PYROXD2: variants seen among roughly 807,000 people sequenced by gnomAD.
PYROXD2 encodes pyridine nucleotide-disulfide oxidoreductase domain-containing protein 2.
A neutral mutation model predicts 71.1 loss-of-function variants in PYROXD2; 69 were observed. The observed-to-expected ratio is 0.97, with a 90% CI of 0.80 to 1.19. PYROXD2 has a LOEUF of 1.19. Among genes scored for constraint, PYROXD2 ranks in the 50% most tolerant of loss-of-function variants. The pLI, the probability that PYROXD2 is intolerant of heterozygous loss-of-function variation, is 0.00. For synonymous variants in PYROXD2, 287 were observed against 302.7 expected (o/e 0.95, Z 0.54); for missense variants, 745 against 748.9 (o/e 0.99, Z 0.06).
At chr10:98,385,931 T>C (rs1412441617) in intron 14 of PYROXD2, among the ~76,000 whole-genome samples, 1 of 152,180 alleles carries the variant, frequency 6.6e-6, no homozygotes. Context: ...TCAGTGAACA[T>C]GTAATGGGAG....
At chr10:98,393,319 C>A (rs1049972562) in intron 8 of PYROXD2, among the ~76,000 whole-genome samples, 5 of 152,188 alleles carry the variant, frequency 3.3e-5, no homozygotes, top group South Asian at 2.1e-4. Context: ...GGCAACGATG[C>A]CCAAACCTGC....
intron 12 of PYROXD2, among the ~76,000 whole-genome samples, chr10:98,388,943 C>T (rs374975402): frequency 3.4e-4 from 52 of 152,240 alleles, no homozygotes; most frequent in South Asian, 4.2e-4. Context: ...AGGGCTGCCC[C>T]GAGCCCCAGC....
chr10:98,389,597 C>T (rs145043202), intron 12 of PYROXD2, among the ~76,000 whole-genome samples: 130 of 152,342 alleles, frequency 8.5e-4, no homozygotes, highest in African/African-American at 3.1e-3. Flanking sequence ...TATACAGCAG[C>T]ACACTCCTGC....
At chr10:98,405,172 C>T (rs1843554711) in intron 4 of PYROXD2, among the ~76,000 whole-genome samples, 2 of 152,216 alleles carry the variant, frequency 1.3e-5, no homozygotes, top group African/African-American at 4.8e-5. Context: ...CGCAGGGCCG[C>T]TGCAAAAGCA....
At position 98,410,957 on chromosome 10, in the gene PYROXD2, T is replaced by A. The variant is rs1211512347; in HGVS notation, c.129A>T (p.Gly43=). The change falls in exon 2 of 16, where the codon GGA becomes GGT. Residue 43 remains glycine (G), a splice_region_variant and synonymous_variant. Transcript: ENST00000370575. ...PEYDAVVIGA[G]HNGLVAAAYL... ...TACTCACAGCCACCAGTCCGTTGTG[T>A]CCTGCAACAAAACGGGACAGGGAAG... 2 of 1,563,650 alleles carry A rather than the reference T, an allele frequency of 1.3e-6. No individual in the cohort carries two copies. The highest frequency in any genetic ancestry group is 1.7e-6 in the Non-Finnish European group (2 of 1,153,194).
chr10:98,389,762 G>A (rs1842885354), intron 12 of PYROXD2, among the ~76,000 whole-genome samples: 1 of 152,140 alleles, frequency 6.6e-6, no homozygotes, highest in Admixed American at 6.5e-5. Context: ...TCTCCACAGT[G>A]CTCATCATCA....
In PYROXD2 at chr10:98,387,313, G is replaced by C. The variant is rs1330078296; in HGVS notation, c.1448-6C>G. The C allele has an allele frequency of 6.2e-7, 1 of 1,608,334 alleles. No individual in the cohort carries two copies. The highest frequency in any genetic ancestry group is 1.7e-5 in the Admixed American group (1 of 59,954). Reference sequence around the variant, plus strand: ...GACCTCGATGCAATCAAACACTGGGGTGCCAAAAACAGAGAAATGAGATGG... The same window carrying C: ...GACCTCGATGCAATCAAACACTGGGCTGCCAAAAACAGAGAAATGAGATGG... On this transcript the variant is annotated splice_region_variant and splice_polypyrimidine_tract_variant and intron_variant, in intron 13 of 15. Transcript: ENST00000370575.
intron 14 of PYROXD2, among the ~76,000 whole-genome samples, chr10:98,386,803 G>A (rs181040929): frequency 7.9e-5 from 12 of 152,254 alleles, no homozygotes; most frequent in Non-Finnish European, 1.0e-4. Flanking sequence ...GCAATGAGGC[G>A]ATTGAACCTG....
chr10:98,403,002 G>A (rs1354713309), intron 4 of PYROXD2, among the ~76,000 whole-genome samples: 2 of 152,222 alleles, frequency 1.3e-5, no homozygotes, highest in African/African-American at 2.4e-5. Context: ...TTTTAGAAAA[G>A]CACGAGGAAA....
chr10:98,409,123 G>C (rs139203599), intron 2 of PYROXD2, among the ~76,000 whole-genome samples: 36 of 152,342 alleles, frequency 2.4e-4, no homozygotes, highest in Middle Eastern at 3.4e-3. Flanking sequence ...TATTACACAG[G>C]AACGATCTCA....
chr10:98,394,742 A>G (rs1843096248), intron 8 of PYROXD2, among the ~76,000 whole-genome samples: 1 of 152,106 alleles, frequency 6.6e-6, no homozygotes, highest in Non-Finnish European at 1.5e-5. Context: ...GTGAGTGTGT[A>G]CCAGAGCCCA....
chr10:98,388,544 G>A, intron 12 of PYROXD2, 36 bp from the exon 13 acceptor site: 1 of 1,524,186 alleles, frequency 6.6e-7, no homozygotes, highest in Non-Finnish European at 8.8e-7. Context: ...GGTCTAAAGA[G>A]CAGCAGTGCG....
chr10:98,414,919 G>T (rs1843945301), intron 1 of PYROXD2, 90 bp downstream of exon 1: 10 of 1,536,810 alleles, frequency 6.5e-6, no homozygotes, highest in African/African-American at 1.4e-5. Flanking sequence ...GAGCAGTGGG[G>T]CTTGGCTCCC....
At chr10:98,390,508 G>A in intron 12 of PYROXD2, 90 bp downstream of exon 12, 1 of 1,415,020 alleles carries the variant, frequency 7.1e-7, no homozygotes, top group African/African-American at 1.4e-5. Flanking sequence ...TGAACACCAG[G>A]CCTGATCCCT....
intron 12 of PYROXD2, among the ~76,000 whole-genome samples, chr10:98,389,416 A>T (rs1842871461): frequency 6.6e-6 from 1 of 152,106 alleles, no homozygotes; most frequent in African/African-American, 2.4e-5. Context: ...CAGATGCCTT[A>T]ACTTTTTCTG....
chr10:98,411,084 T>A (rs1843772210), intron 1 of PYROXD2, 126 bp from the exon 2 acceptor site: 3 of 1,342,162 alleles, frequency 2.2e-6, no homozygotes, highest in Non-Finnish European at 2.1e-6. Context: ...GACCCTCCCC[T>A]CCCCTTCCCG....
At chr10:98,388,056 G>T (rs2147897) in intron 13 of PYROXD2, 137,267 of 328,062 alleles carry the variant, frequency 0.42, 30,763 homozygotes, top group African/African-American at 0.59. Flanking sequence ...TGGCTCATGC[G>T]TCTCCTTTGG....
chr10:98,400,872 T>TG (rs1171863071), intron 4 of PYROXD2, among the ~76,000 whole-genome samples: 1 of 152,180 alleles, frequency 6.6e-6, no homozygotes, highest in African/African-American at 2.4e-5. Flanking sequence ...ACATAGGCTG[T>TG]GGGGTGTAGC....
intron 1 of PYROXD2, chr10:98,414,732 C>A: frequency 2.4e-6 from 1 of 408,308 alleles, no homozygotes; most frequent in Non-Finnish European, 4.4e-6. Flanking sequence ...CTGAGCTCAC[C>A]TAGTCTTCCT....
Sources: allele counts gnomAD v4.1 joint callset (sites outside exome capture counted in the v4.1 genomes callset), GRCh38; gene constraint gnomAD v4.1.1; transcripts MANE v1.5; gene names NCBI Gene and HGNC (gene_info 2026-07-23, HGNC 2026-07-21).